The following PDZD2 variants were observed in gnomAD, a reference collection of about 807,000 sequenced individuals.
The protein encoded by PDZD2 is PDZ domain-containing protein 2.
Under a neutral mutation model 220.7 loss-of-function variants are expected in PDZD2, and 90 were observed. The ratio of observed to expected loss-of-function variants is 0.41; its 90% CI spans 0.34 to 0.49. The LOEUF is 0.49. Among genes scored for constraint, PDZD2 ranks in the 20% least tolerant of loss-of-function variants. PDZD2 has a pLI of 0.28. For synonymous variants in PDZD2, 1,375 were observed against 1,450.5 expected (o/e 0.95, Z 1.18); for missense variants, 3,174 against 3,608.5 (o/e 0.88, Z 3.08).
At chr5:31,753,442 A>G (rs1459364882) in intron 1 of PDZD2, among the ~76,000 whole-genome samples, 3 of 152,158 alleles carry the variant, frequency 2.0e-5, no homozygotes, top group Non-Finnish European at 4.4e-5. Context: ...ATCTCTACAA[A>G]TACAAAAATT....
At chr5:31,742,965 G>GA (rs1396907253) in intron 1 of PDZD2, among the ~76,000 whole-genome samples, 1 of 152,200 alleles carries the variant, frequency 6.6e-6, no homozygotes, top group Admixed American at 6.5e-5. Context: ...GTGCTAGATA[G>GA]AAAATTGAGC....
intron 2 of PDZD2, chr5:31,840,446 A>ATATATATATT (rs1561499439): frequency 1.6e-4 from 11 of 69,114 alleles, no homozygotes; most frequent in Non-Finnish European, 2.1e-4. Context: ...ATATATATAT[A>ATATATATATT]TATTTGTTTA....
At chr5:31,822,977 T>TC (rs1448717698) in intron 2 of PDZD2, 1 of 1,151,798 alleles carries the variant, frequency 8.7e-7, no homozygotes, top group African/African-American at 1.5e-5. Flanking sequence ...ACCCGGGGCC[T>TC]CTTTTTTTTC....
At chr5:31,815,822 T>A (rs1465584) in intron 2 of PDZD2, among the ~76,000 whole-genome samples, 83,227 of 151,254 alleles carry the variant, frequency 0.55, 23,309 homozygotes, top group African/African-American at 0.61. Context: ...TGTAAATAAA[T>A]TTTTTTTTTA....
At chr5:31,697,421 C>T (rs1347292058) in intron 1 of PDZD2, among the ~76,000 whole-genome samples, 1 of 152,152 alleles carries the variant, frequency 6.6e-6, no homozygotes, top group East Asian at 1.9e-4. Context: ...TGAGATCGTG[C>T]CACTGCACTC....
At chr5:31,848,489 C>T (rs937367163) in intron 2 of PDZD2, among the ~76,000 whole-genome samples, 2 of 152,252 alleles carry the variant, frequency 1.3e-5, no homozygotes, top group Non-Finnish European at 2.9e-5. Flanking sequence ...TGGCTCACGC[C>T]TGTAATCCCA....
At chr5:31,928,961 A>G (rs1233520672) in intron 2 of PDZD2, among the ~76,000 whole-genome samples, 1 of 152,098 alleles carries the variant, frequency 6.6e-6, no homozygotes, top group Non-Finnish European at 1.5e-5. Flanking sequence ...CCATTTACTT[A>G]CTAGAACTTA....
In PDZD2 at chr5:31,910,259, G is replaced by A. The variant is rs138101581; in HGVS notation, c.477-72896G>A. On this transcript the variant is annotated intron_variant, in intron 2 of 24. Coordinates refer to ENST00000438447, the MANE Select transcript of PDZD2 (RefSeq NM_178140.4). ...TTTGGAGACTTAGTCTTGCTCTGTC[G>A]CCCAGGCTGGAGTACAATGGTGTGA... Among the ~76,000 whole-genome samples, 981 of 120,934 alleles carry A rather than the reference G, an allele frequency of 8.1e-3. 6 individuals carry two copies. The highest frequency in any genetic ancestry group is 0.03 in the African/African-American group (938 of 31,532). The allele number at this position is 120,934 out of a possible 152,430, so 79.3% of individuals were successfully genotyped here.
intron 2 of PDZD2, among the ~76,000 whole-genome samples, chr5:31,980,279 T>C (rs2111850900): frequency 6.6e-6 from 1 of 152,336 alleles, no homozygotes; most frequent in Non-Finnish European, 1.5e-5. Flanking sequence ...ACATGTCATA[T>C]AATGGAATCA....
At position 31,946,018 on chromosome 5, in the gene PDZD2, T is replaced by A. The variant is rs182630457; in HGVS notation, c.477-37137T>A. ...ATTTTCATTTGTTTTTGTTTCTCTT[T>A]TTGAGATGGAGTCTCCCTCTGTCAC... On this transcript the variant is annotated intron_variant, in intron 2 of 24. Transcript: ENST00000438447. Among the ~76,000 whole-genome samples the A allele has an allele frequency of 4.6e-3, 698 of 152,354 alleles. 8 individuals carry two copies. The highest frequency in any genetic ancestry group is 0.015 in the African/African-American group (632 of 41,592).
chr5:32,094,591 G>A (rs1743463077), intron 21 of PDZD2, among the ~76,000 whole-genome samples: 1 of 151,874 alleles, frequency 6.6e-6, no homozygotes, highest in African/African-American at 2.4e-5. Flanking sequence ...CTGATTCTCA[G>A]CCGCTGATTT....
intron 1 of PDZD2, among the ~76,000 whole-genome samples, chr5:31,663,880 C>A (rs1037392941): frequency 6.6e-6 from 1 of 150,834 alleles, no homozygotes; most frequent in Non-Finnish European, 1.5e-5. Context: ...TGTGTGTATG[C>A]GGGCACAAGT....
rs1754268273 is a variant in PDZD2, at chr5:31,799,608, G to T, written c.360G>T (p.Trp120Cys). The change falls in exon 2 of 25, where the codon TGG becomes TGT. Residue 120 changes from tryptophan (W) to cysteine (C), a missense_variant. Transcript: ENST00000438447. ...QGPVLDVGCI[W>C]VTELRKNSPA... ...CTGTGCTGGATGTGGGCTGCATCTG[G>T]GTGACAGAGCTGAGGAAGAACAGCC... 7 of 1,614,046 alleles carry T rather than the reference G, an allele frequency of 4.3e-6. No individual in the cohort carries two copies. In the East Asian group the frequency reaches 1.6e-4, roughly 36 times the overall value.
intron 2 of PDZD2, among the ~76,000 whole-genome samples, chr5:31,977,824 AT>A (rs1219903663): frequency 2.6e-5 from 4 of 152,240 alleles, no homozygotes; most frequent in Non-Finnish European, 2.9e-5. Context: ...AATACAAAAA[AT>A]TAGGCAGGCA....
intron 1 of PDZD2, among the ~76,000 whole-genome samples, chr5:31,680,776 G>A (rs1304609182): frequency 3.9e-5 from 6 of 152,064 alleles, no homozygotes; most frequent in African/African-American, 9.7e-5. Context: ...ATCCCTGACC[G>A]GGCGCCAGGC....
chr5:31,857,090 A>C (rs1323448223), intron 2 of PDZD2, among the ~76,000 whole-genome samples: 5 of 152,052 alleles, frequency 3.3e-5, no homozygotes, highest in Non-Finnish European at 7.4e-5. Flanking sequence ...TGCCTCAGCA[A>C]ACCTCCTGCC....
intron 2 of PDZD2, among the ~76,000 whole-genome samples, chr5:31,848,703 C>T (rs920467024): frequency 6.6e-6 from 1 of 150,934 alleles, no homozygotes; most frequent in African/African-American, 2.4e-5. Flanking sequence ...GAGCCAAGAT[C>T]GTGCCATTGC....
At chr5:32,101,038 G>A (rs973921458) in intron 23 of PDZD2, 67 bp from the exon 24 acceptor site, 6 of 1,604,998 alleles carry the variant, frequency 3.7e-6, no homozygotes, top group Non-Finnish European at 5.1e-6. Flanking sequence ...TGCATCCTGG[G>A]GGACTTGGAC....
At chr5:31,875,784 C>G (rs936000235) in intron 2 of PDZD2, among the ~76,000 whole-genome samples, 4 of 151,174 alleles carry the variant, frequency 2.6e-5, no homozygotes, top group African/African-American at 9.7e-5. Flanking sequence ...CATATATAGT[C>G]CCTAAAAATA....
Sources: gnomAD v4.1 joint callset for allele counts (sites outside exome capture counted in the v4.1 genomes callset) on GRCh38, gnomAD v4.1.1 for gene constraint, MANE v1.5 for transcripts, NCBI Gene and HGNC (gene_info 2026-07-23, HGNC 2026-07-21) for gene names.